AP1M1: variants seen among roughly 807,000 people sequenced by gnomAD.
AP1M1 encodes the protein adaptor related protein complex 1 subunit mu 1.
In AP1M1, 18 loss-of-function variants were observed where a neutral mutation model predicts 57.1. The ratio of observed to expected loss-of-function variants is 0.32; its 90% CI spans 0.22 to 0.47. The LOEUF (loss-of-function observed/expected upper bound fraction) is 0.47. Ranked by LOEUF, AP1M1 falls within the 20% of genes least tolerant of loss-of-function variation. The probability of loss-of-function intolerance (pLI) is 1.00; values close to 1 mark genes in which losing one functional copy is unlikely to be tolerated. For synonymous variants in AP1M1, 241 were observed against 237.9 expected (o/e 1.01, Z -0.12); for missense variants, 362 against 593.5 (o/e 0.61, Z 4.05).
chr19:16,218,690 C>T (rs1284976720), intron 5 of AP1M1, among the ~76,000 whole-genome samples: 2 of 152,156 alleles, frequency 1.3e-5, no homozygotes, highest in African/African-American at 2.4e-5. Flanking sequence ...CATCTTGGAG[C>T]AGGAGCAAAA....
Position 16,234,589 on chromosome 19 carries a change from C to T in AP1M1, c.*154C>T, listed in dbSNP as rs1054728151. ...ACCCCTGCCTTCCCCAGGCCATCTG[C>T]TCTGCCGTCGACACTCGTCTCAGAA... On this transcript the variant is annotated 3_prime_UTR_variant, in exon 12 of 12. Transcript: ENST00000291439. The T allele has an allele frequency of 1.6e-4, 144 of 895,354 alleles. No homozygotes were observed. Among genetic ancestry groups the T allele is most frequent in the Non-Finnish European group, 1.2e-4 (71 of 579,078 alleles). 55.5% of individuals were successfully genotyped at this position (895,354 alleles called of 1,614,324 possible).
intron 5 of AP1M1, among the ~76,000 whole-genome samples, chr19:16,215,232 GA>G (rs1568351119): frequency 3.4e-5 from 2 of 59,694 alleles, no homozygotes; most frequent in Non-Finnish European, 8.5e-5. Context: ...GGGGGGAGGG[GA>G]GGGGATCACC....
intron 2 of AP1M1, among the ~76,000 whole-genome samples, chr19:16,204,067 A>G (rs1470552228): frequency 1.3e-5 from 2 of 152,154 alleles, no homozygotes; most frequent in East Asian, 3.9e-4. Context: ...GAAATGTGAC[A>G]GGAAGTCTCT....
chr19:16,230,938 G>A (rs115556834), intron 9 of AP1M1, among the ~76,000 whole-genome samples: 1,814 of 151,930 alleles, frequency 0.012, 45 homozygotes, highest in African/African-American at 0.041. Context: ...ACAGAGACAC[G>A]TCACTTCAAA....
intron 1 of AP1M1, among the ~76,000 whole-genome samples, chr19:16,200,833 C>G (rs2091443995): frequency 6.6e-6 from 1 of 152,242 alleles, no homozygotes; most frequent in Non-Finnish European, 1.5e-5. Context: ...CTGTTTCTTG[C>G]ACTGCCTACT....
intron 2 of AP1M1, among the ~76,000 whole-genome samples, chr19:16,205,792 T>G (rs1013741138): frequency 1.3e-5 from 2 of 152,168 alleles, no homozygotes; most frequent in African/African-American, 2.4e-5. Flanking sequence ...CTTGGTGAGT[T>G]CATTCACAGG....
intron 5 of AP1M1, among the ~76,000 whole-genome samples, chr19:16,219,833 C>T (rs533258010): frequency 1.3e-5 from 2 of 152,184 alleles, no homozygotes; most frequent in Non-Finnish European, 2.9e-5. Flanking sequence ...GGTATGGAAT[C>T]TTCTACTTTT....
In AP1M1 at chr19:16,238,722, C is replaced by CTTTT. The variant is rs34039189; in HGVS notation, c.*4301_*4304dup. The CTTTT allele has an allele frequency of 8.7e-6, 1 of 115,322 alleles. No homozygotes were observed. Among genetic ancestry groups the CTTTT allele is most frequent in the African/African-American group, 3.1e-5 (1 of 31,938 alleles). The allele number at this position is 115,322 out of a possible 1,614,324, so 7.1% of individuals were successfully genotyped here. ...GCTTGTTCTGTATTCTTTCTTTATG[C>CTTTT]TTTTTTTTTTTTTTTTTGACAGGGT... On this transcript the variant is annotated 3_prime_UTR_variant, in exon 12 of 12. Transcript: ENST00000291439.
In AP1M1 at chr19:16,238,387, C is replaced by T. The variant is rs2091633119; in HGVS notation, c.*3952C>T. On this transcript the variant is annotated 3_prime_UTR_variant, in exon 12 of 12. Coordinates refer to ENST00000291439, the MANE Select transcript of AP1M1 (RefSeq NM_032493.4). ...AATAGGAAAAGGGACCACTGTAGTC[C>T]ATTCATGCAAGAGATTACAGCAGTG... 6.6e-6 allele frequency: 1 copy of T among 152,130 alleles called. No individual in the cohort carries two copies. The highest frequency in any genetic ancestry group is 1.5e-5 in the Non-Finnish European group (1 of 68,038). The allele number at this position is 152,130 out of a possible 1,614,324, so 9.4% of individuals were successfully genotyped here. A position where few individuals can be genotyped will look rare whatever the true frequency, so the allele number is the denominator to read the frequency against.
intron 4 of AP1M1, chr19:16,208,397 A>G (rs758761494): frequency 1.7e-5 from 6 of 351,824 alleles, no homozygotes; most frequent in Non-Finnish European, 2.6e-5. Flanking sequence ...AGATGCCTTC[A>G]GTACCTTGCT....
rs201614039 is a variant in AP1M1 at position 16,206,417 on chromosome 19, C to T, written c.267+9C>T. 2.5e-5 allele frequency: 40 copies of T among 1,613,720 alleles called. No homozygotes were observed. The Admixed American group carries it at 3.3e-4, about 13-fold the overall frequency. On this transcript the variant is annotated intron_variant, in intron 3 of 11. Transcript: ENST00000291439. The surrounding 1 kb of genome is among the most constrained non-coding windows in gnomAD (Gnocchi z 4.3). ...TCTATAAGGTGGTGCAGGTGAGTCT[C>T]GCTCGGAGGGGCCGTGGGCTTGGGT...
chr19:16,231,339 G>A (rs1230601637), intron 9 of AP1M1, among the ~76,000 whole-genome samples: 1 of 145,148 alleles, frequency 6.9e-6, no homozygotes, highest in Non-Finnish European at 1.5e-5. Flanking sequence ...ATACAGATTA[G>A]ATAGATAGAT....
intron 5 of AP1M1, among the ~76,000 whole-genome samples, chr19:16,216,633 CTG>C (rs1007032217): frequency 6.6e-6 from 1 of 152,070 alleles, no homozygotes; most frequent in Non-Finnish European, 1.5e-5. Flanking sequence ...TTTGATGACC[CTG>C]GGGGTTTGAT....
At chr19:16,222,854 C>CT (rs1279138148) in intron 5 of AP1M1, among the ~76,000 whole-genome samples, 2 of 152,130 alleles carry the variant, frequency 1.3e-5, no homozygotes, top group East Asian at 3.8e-4. Context: ...GTTGATTCTT[C>CT]TTTATCATCT....
intron 1 of AP1M1, among the ~76,000 whole-genome samples, chr19:16,199,992 A>G (rs1002031980): frequency 1.3e-5 from 2 of 152,218 alleles, no homozygotes; most frequent in Admixed American, 6.5e-5. Context: ...GACCTGGGAC[A>G]GGCACCTTCT....
chr19:16,217,791 C>T (rs1182060334), intron 5 of AP1M1, among the ~76,000 whole-genome samples: 1 of 152,158 alleles, frequency 6.6e-6, no homozygotes, highest in Non-Finnish European at 1.5e-5. Flanking sequence ...GGCTGTGCTC[C>T]ACCACATATG....
intron 5 of AP1M1, among the ~76,000 whole-genome samples, chr19:16,220,973 T>G (rs900207986): frequency 1.3e-5 from 2 of 152,262 alleles, no homozygotes; most frequent in African/African-American, 4.8e-5. Flanking sequence ...AGATTTTTCT[T>G]TGCCTTTAGT....
At chr19:16,217,100 G>A (rs186624070) in intron 5 of AP1M1, among the ~76,000 whole-genome samples, 154 of 152,308 alleles carry the variant, frequency 1.0e-3, no homozygotes, top group Non-Finnish European at 1.9e-3. Flanking sequence ...GGTTAGCATG[G>A]GGGCACTGGT....
chr19:16,226,315 T>C lies in AP1M1; in HGVS notation c.547-106T>C. On this transcript the variant is annotated intron_variant, in intron 5 of 11. Coordinates refer to ENST00000291439, the MANE Select transcript of AP1M1 (RefSeq NM_032493.4). ...CCCAGGAGAGGGATGGGCTTGGAGG[T>C]GAGAAGGGCGTTGAGAGTGGGGTGG... is the stretch of plus-strand genomic sequence containing the variant. 3.5e-6 allele frequency: 5 copies of C among 1,416,364 alleles called. No individual in the cohort carries two copies. The Admixed American group carries it at 1.1e-4, about 31-fold the overall frequency. The allele number at this position is 1,416,364 out of a possible 1,614,324, so 87.7% of individuals were successfully genotyped here.
Sources: allele counts gnomAD v4.1 joint callset (sites outside exome capture counted in the v4.1 genomes callset), GRCh38; gene constraint gnomAD v4.1.1; non-coding constraint Gnocchi (gnomAD v3.1); transcripts MANE v1.5; gene names NCBI Gene and HGNC (gene_info 2026-07-23, HGNC 2026-07-21).